COL4A2: variants seen among roughly 807,000 people sequenced by gnomAD.
COL4A2 encodes collagen alpha-2(IV) chain.
COL4A2 carries 99 observed loss-of-function variants against 200.2 expected under a neutral mutation model. That is an observed-to-expected ratio of 0.49 (90% confidence interval 0.42 to 0.58). The LOEUF is 0.58. Among genes scored for constraint, COL4A2 ranks in the 20% least tolerant of loss-of-function variants. COL4A2 has a pLI of 0.00. For missense variants in COL4A2, 1,950 were observed against 2,314.1 expected, an observed-to-expected ratio of 0.84 and a Z score of 3.23; for synonymous variants, 897 against 900.6, an observed-to-expected ratio of 1.00 and a Z score of 0.07.
At position 110,493,329 on chromosome 13, in the gene COL4A2, G is replaced by C. The variant is rs2391833; in HGVS notation, c.3634+47G>C. 0.54 allele frequency: 860,814 copies of C among 1,597,572 alleles called. 238,977 individuals are homozygous for C. The highest frequency in any genetic ancestry group is 0.57 in the Non-Finnish European group (667,332 of 1,166,102). On this transcript the variant is annotated intron_variant, in intron 39 of 47. Transcript: ENST00000360467. ...CCGAGTCCCACGCAGAGGTGTCGAG[G>C]GTGGGGACTCTGTGCTGAGTCTGCC...
intron 4 of COL4A2, among the ~76,000 whole-genome samples, chr13:110,387,469 A>G (rs754174679): frequency 1.3e-5 from 2 of 152,178 alleles, no homozygotes; most frequent in Non-Finnish European, 2.9e-5. Flanking sequence ...GGATTCTGAA[A>G]TGTGTAGGGA....
intron 4 of COL4A2, among the ~76,000 whole-genome samples, chr13:110,377,788 C>T (rs747180468): frequency 7.2e-5 from 11 of 152,136 alleles, no homozygotes; most frequent in Non-Finnish European, 1.5e-4. Flanking sequence ...CATCTGAATA[C>T]GTACTTTATA....
At chr13:110,454,135 C>T (rs934167098) in intron 20 of COL4A2, among the ~76,000 whole-genome samples, 2 of 152,184 alleles carry the variant, frequency 1.3e-5, no homozygotes, top group Non-Finnish European at 2.9e-5. Context: ...GAATTGAGTT[C>T]TGGGAAGTTC....
chr13:110,360,178 G>T (rs1594168934), intron 4 of COL4A2, among the ~76,000 whole-genome samples: 5 of 152,306 alleles, frequency 3.3e-5, no homozygotes, highest in Admixed American at 3.3e-4. Context: ...GATAGAATTG[G>T]TGGTATACAC....
Position 110,454,970 on chromosome 13 carries a change from G to A in COL4A2, c.1340-2373G>A, listed in dbSNP as rs142633198. On this transcript the variant is annotated intron_variant, in intron 20 of 47. Transcript: ENST00000360467. Reference sequence around the variant, plus strand: ...GGTCCTCACCCTCCTGCACAAACCCGGGAGCTCCAGCAGAGCCCTGGGCTA... The same window carrying A: ...GGTCCTCACCCTCCTGCACAAACCCAGGAGCTCCAGCAGAGCCCTGGGCTA... Among the ~76,000 whole-genome samples, 1,047 of 151,184 alleles carry A rather than the reference G, an allele frequency of 6.9e-3. 11 individuals carry two copies. Among genetic ancestry groups the A allele is most frequent in the African/African-American group, 0.023 (960 of 41,270 alleles).
rs115928631 is a variant in COL4A2 at position 110,382,387 on chromosome 13, G to A, written c.180+24835G>A. ...AGTTTTCATAGAACAATGTGCACCCGTCTTCCGCCCACTTCCCCAGAGAGA... is the reference window on the plus strand; with the variant it reads ...AGTTTTCATAGAACAATGTGCACCCATCTTCCGCCCACTTCCCCAGAGAGA... On this transcript the variant is annotated intron_variant, in intron 4 of 47. Coordinates refer to ENST00000360467, the MANE Select transcript of COL4A2 (RefSeq NM_001846.4). Among the ~76,000 whole-genome samples the A allele has an allele frequency of 3.6e-3, 555 of 152,254 alleles. 2 individuals carry two copies. Among genetic ancestry groups the A allele is most frequent in the African/African-American group, 0.013 (522 of 41,544 alleles).
intron 4 of COL4A2, among the ~76,000 whole-genome samples, chr13:110,393,634 T>A (rs1412919537): frequency 6.6e-6 from 1 of 150,852 alleles, no homozygotes; most frequent in Admixed American, 6.6e-5. Context: ...ATCCCACCAT[T>A]TTTGGAGGCC....
At chr13:110,428,703 G>A (rs1187008704) in intron 7 of COL4A2, 120 bp downstream of exon 7, 1 of 484,370 alleles carries the variant, frequency 2.1e-6, no homozygotes, top group Admixed American at 4.1e-5. Context: ...ACTGTATGTT[G>A]ACGCCCAAGA....
At chr13:110,312,963 C>T (rs1885026864) in intron 3 of COL4A2, among the ~76,000 whole-genome samples, 1 of 152,170 alleles carries the variant, frequency 6.6e-6, no homozygotes, top group Non-Finnish European at 1.5e-5. Flanking sequence ...CTGGCCTGTG[C>T]AGGTGTGCTA....
chr13:110,469,012 ATT>A (rs1566551630), intron 27 of COL4A2, among the ~76,000 whole-genome samples: 1 of 152,198 alleles, frequency 6.6e-6, no homozygotes, highest in African/African-American at 2.4e-5. Flanking sequence ...GGATATTATC[ATT>A]CTTATGGTTC....
chr13:110,313,309 G>A (rs537335945), intron 3 of COL4A2, among the ~76,000 whole-genome samples: 14 of 152,234 alleles, frequency 9.2e-5, no homozygotes, highest in Admixed American at 7.8e-4. Flanking sequence ...TGGTGGCTCC[G>A]GAGGACGGTA....
chr13:110,439,789 G>T lies in COL4A2; in HGVS notation c.913G>T (p.Gly305Cys). ...EGIMGFPGLR[G>C]YPGLSGEKGS... ...TGCTTCTGTTTTTTGTTCATTCCAG[G>T]GTTACCCTGGCTTGAGTGGTGAAAA... Residue 305 changes from glycine to cysteine, a missense_variant and splice_region_variant, in exon 16 of 48, where the codon GGT becomes TGT. Transcript: ENST00000360467. 2.5e-6 allele frequency: 4 copies of T among 1,613,876 alleles called. No individual in the cohort carries two copies. The highest frequency in any genetic ancestry group is 3.4e-6 in the Non-Finnish European group (4 of 1,179,938).
intron 4 of COL4A2, among the ~76,000 whole-genome samples, chr13:110,373,890 C>G (rs1452650224): frequency 2.0e-5 from 3 of 152,218 alleles, no homozygotes; most frequent in Non-Finnish European, 1.5e-5. Context: ...CTTTTTACCC[C>G]CTTTTGGATG....
chr13:110,442,063 G>A (rs2054960565), intron 16 of COL4A2, among the ~76,000 whole-genome samples: 1 of 127,118 alleles, frequency 7.9e-6, no homozygotes, highest in African/African-American at 3.0e-5. Flanking sequence ...TCCAGCCTGG[G>A]AGAGACAGTG....
intron 20 of COL4A2, chr13:110,456,851 T>C (rs1014736562): frequency 2.2e-6 from 1 of 463,678 alleles, no homozygotes; most frequent in Admixed American, 2.4e-5. Flanking sequence ...TCCGTGGGGC[T>C]GATGCCCTGC....
intron 30 of COL4A2, among the ~76,000 whole-genome samples, chr13:110,478,444 C>A (rs1386444254): frequency 5.9e-5 from 9 of 152,214 alleles, no homozygotes; most frequent in Non-Finnish European, 1.2e-4. Flanking sequence ...AGTTCAGAAT[C>A]ACTGCTCTGA....
chr13:110,505,149 G>GACCATCC (rs1883805285), intron 45 of COL4A2, among the ~76,000 whole-genome samples: 1 of 151,478 alleles, frequency 6.6e-6, no homozygotes, highest in South Asian at 2.1e-4. Context: ...AGGAGATCGA[G>GACCATCC]ACCATCCTGG....
intron 4 of COL4A2, among the ~76,000 whole-genome samples, chr13:110,388,233 G>A (rs558189426): frequency 1.3e-5 from 2 of 152,292 alleles, no homozygotes; most frequent in African/African-American, 4.8e-5. Context: ...GGCGGCAAGC[G>A]AGCCCTCAAG....
At chr13:110,397,064 G>A (rs528912596) in intron 4 of COL4A2, among the ~76,000 whole-genome samples, 4 of 152,272 alleles carry the variant, frequency 2.6e-5, no homozygotes, top group African/African-American at 7.2e-5. Context: ...TGGTCATAAC[G>A]TTGCTCAAGG....
Sources: allele counts gnomAD v4.1 joint callset (sites outside exome capture counted in the v4.1 genomes callset), GRCh38; gene constraint gnomAD v4.1.1; transcripts MANE v1.5; gene names NCBI Gene and HGNC (gene_info 2026-07-23, HGNC 2026-07-21).